Variants in HSDL2 observed in about 807,000 individuals in gnomAD.
The protein encoded by HSDL2 is hydroxysteroid dehydrogenase like 2, also known as hydroxysteroid dehydrogenase-like protein 2.
Under a neutral mutation model 46.3 loss-of-function variants are expected in HSDL2, and 27 were observed. That is an observed-to-expected ratio of 0.58 (90% CI 0.43 to 0.80). The LOEUF (loss-of-function observed/expected upper bound fraction) is 0.80. Ranked by LOEUF, HSDL2 falls within the 30% of genes least tolerant of loss-of-function variation. HSDL2 has a pLI of 0.00. For missense variants in HSDL2, 451 were observed against 502.7 expected (o/e 0.90, Z 0.98); for synonymous variants, 153 against 163.6 (o/e 0.94, Z 0.50).
Position 112,454,066 on chromosome 9 carries a change from T to G in HSDL2, c.919T>G (p.Ser307Ala). 1 of 1,614,056 alleles carries G rather than the reference T, an allele frequency of 6.2e-7. No individual in the cohort carries two copies. The highest frequency in any genetic ancestry group is 8.5e-7 in the Non-Finnish European group (1 of 1,179,914). Residue 307 changes from serine (S) to alanine (A), a missense_variant, in exon 9 of 11, where the codon TCT becomes GCT. By Grantham distance (99) the Ser-to-Ala change is moderately conservative. Transcript: ENST00000398805. ...ACTGCAGCTGCAACCAAAACCACGTTCTGGAGCTGTGGAAGAAACATTTAG... is the reference window on the plus strand; with the variant it reads ...ACTGCAGCTGCAACCAAAACCACGTGCTGGAGCTGTGGAAGAAACATTTAG... ...EKLQLQPKPR[S>A]GAVEETFRIV...
At chr9:112,416,736 G>GC (rs1344904527) in intron 4 of HSDL2, 105 bp from the exon 5 acceptor site, 1 of 575,066 alleles carries the variant, frequency 1.7e-6, no homozygotes, top group African/African-American at 1.9e-5. Flanking sequence ...ATCGAGTCAT[G>GC]CACTCCAGCC....
intron 3 of HSDL2, among the ~76,000 whole-genome samples, chr9:112,407,290 G>C (rs887277516): frequency 1.3e-5 from 2 of 152,200 alleles, no homozygotes; most frequent in Non-Finnish European, 2.9e-5. Context: ...ACTTCACCTA[G>C]TAGTAAAAGT....
At chr9:112,413,495 GAAAAA>G (rs113720372) in intron 4 of HSDL2, among the ~76,000 whole-genome samples, 2 of 119,850 alleles carry the variant, frequency 1.7e-5, no homozygotes, top group Admixed American at 8.2e-5. Context: ...CAAAAAAAAA[GAAAAA>G]AAAGAAAAGA....
intron 6 of HSDL2, among the ~76,000 whole-genome samples, chr9:112,436,924 A>G (rs1194830827): frequency 7.0e-6 from 1 of 143,342 alleles, no homozygotes; most frequent in Non-Finnish European, 1.5e-5. Flanking sequence ...TAATTAAGCA[A>G]TTTTTTCCTT....
chr9:112,425,986 G>A (rs1411384267), intron 6 of HSDL2, among the ~76,000 whole-genome samples: 1 of 152,090 alleles, frequency 6.6e-6, no homozygotes, highest in Non-Finnish European at 1.5e-5. Flanking sequence ...GGAAATCCTT[G>A]CACCTCGGCC....
chr9:112,441,871 T>G (rs1832645956), intron 8 of HSDL2, 101 bp downstream of exon 8: 1 of 736,850 alleles, frequency 1.4e-6, no homozygotes, highest in South Asian at 1.8e-5. Context: ...ATTTCTGCCT[T>G]CTGTTTTTAA....
chr9:112,424,036 T>C (rs1214241762), intron 6 of HSDL2, among the ~76,000 whole-genome samples: 1 of 150,114 alleles, frequency 6.7e-6, no homozygotes, highest in East Asian at 2.1e-4. Context: ...TTTAAAAAAA[T>C]TAGACTGGGC....
intron 5 of HSDL2, among the ~76,000 whole-genome samples, chr9:112,417,464 G>A (rs1391461343): frequency 1.4e-5 from 2 of 140,766 alleles, no homozygotes; most frequent in Admixed American, 7.3e-5. Context: ...GTGACAGAGC[G>A]AGACCCTGAC....
chr9:112,424,542 C>T (rs1832205028), intron 6 of HSDL2, among the ~76,000 whole-genome samples: 1 of 151,866 alleles, frequency 6.6e-6, no homozygotes, highest in Non-Finnish European at 1.5e-5. Flanking sequence ...GCACTCTCCT[C>T]TCTCTTCCTC....
At chr9:112,422,090 A>G (rs1339880572) in intron 6 of HSDL2, among the ~76,000 whole-genome samples, 1 of 152,194 alleles carries the variant, frequency 6.6e-6, no homozygotes, top group Non-Finnish European at 1.5e-5. Flanking sequence ...GAGACCTCAG[A>G]GACTTCTTCA....
intron 6 of HSDL2, among the ~76,000 whole-genome samples, chr9:112,431,966 G>A (rs958232354): frequency 6.1e-5 from 9 of 147,632 alleles, no homozygotes; most frequent in Non-Finnish European, 1.0e-4. Flanking sequence ...TGCAACCTCC[G>A]CCTCCCAGGT....
chr9:112,411,941 C>T (rs1048921328), intron 4 of HSDL2, among the ~76,000 whole-genome samples: 1 of 152,000 alleles, frequency 6.6e-6, no homozygotes, highest in African/African-American at 2.4e-5. Flanking sequence ...TGAACTAAGG[C>T]TTAGTTAAGG....
intron 6 of HSDL2, among the ~76,000 whole-genome samples, chr9:112,435,829 C>G (rs1051835279): frequency 4.6e-5 from 7 of 151,964 alleles, no homozygotes; most frequent in Non-Finnish European, 1.0e-4. Context: ...AATTCCTAGG[C>G]TCAAGCAATC....
chr9:112,401,396 C>T (rs1033668498), intron 1 of HSDL2, among the ~76,000 whole-genome samples: 1 of 125,124 alleles, frequency 8.0e-6, no homozygotes. Context: ...GCAGAGGTTG[C>T]AGTGAGCCAC....
intron 1 of HSDL2, among the ~76,000 whole-genome samples, chr9:112,396,762 G>A (rs950737298): frequency 6.6e-6 from 1 of 152,128 alleles, no homozygotes; most frequent in Non-Finnish European, 1.5e-5. Context: ...AAATTTAGAG[G>A]AATGGTACTA....
intron 4 of HSDL2, among the ~76,000 whole-genome samples, chr9:112,414,490 A>G (rs1831946621): frequency 2.0e-5 from 3 of 152,186 alleles, no homozygotes; most frequent in African/African-American, 4.8e-5. Flanking sequence ...TCAATATAAT[A>G]TATAAGAGGG....
chr9:112,404,184 A>T, intron 2 of HSDL2, 26 bp downstream of exon 2: 1 of 1,606,444 alleles, frequency 6.2e-7, no homozygotes, highest in Non-Finnish European at 8.5e-7. Flanking sequence ...CCATTTGATA[A>T]AATGTCTTTC....
intron 5 of HSDL2, 111 bp downstream of exon 5, chr9:112,417,055 T>C: frequency 2.1e-6 from 1 of 468,906 alleles, no homozygotes; most frequent in Non-Finnish European, 3.9e-6. Flanking sequence ...ATCATTGAAT[T>C]TTCTATGCCA....
intron 6 of HSDL2, among the ~76,000 whole-genome samples, chr9:112,428,718 T>G (rs913350923): frequency 6.6e-6 from 1 of 152,208 alleles, no homozygotes; most frequent in African/African-American, 2.4e-5. Flanking sequence ...GCTTACACTT[T>G]ATGGTGCCTC....
Sources: allele counts gnomAD v4.1 joint callset (sites outside exome capture counted in the v4.1 genomes callset), GRCh38; gene constraint gnomAD v4.1.1; transcripts MANE v1.5; gene names NCBI Gene and HGNC (gene_info 2026-07-23, HGNC 2026-07-21).